The following SLC14A2 variants were observed in gnomAD, a reference collection of about 807,000 sequenced individuals.
SLC14A2 encodes solute carrier family 14 member 2, also known as urea transporter 2.
In SLC14A2, 91 loss-of-function variants were observed where a neutral mutation model predicts 104.6. The ratio of observed to expected loss-of-function variants is 0.87; its 90% CI spans 0.73 to 1.04. SLC14A2 has a LOEUF of 1.04. SLC14A2 is among the 50% of genes least tolerant of loss of function. The pLI is 0.00. For synonymous variants in SLC14A2, 476 were observed against 466.4 expected, an observed-to-expected ratio of 1.02 and a Z score of -0.27; for missense variants, 1,189 against 1,156.0, an observed-to-expected ratio of 1.03 and a Z score of -0.41.
intron 1 of SLC14A2, among the ~76,000 whole-genome samples, chr18:45,356,158 G>A (rs2144317051): frequency 6.6e-6 from 1 of 152,248 alleles, no homozygotes; most frequent in Admixed American, 6.5e-5. Context: ...GACCTCTGGT[G>A]GTCCAAAAAT....
chr18:45,303,144 C>T (rs530343353), intron 1 of SLC14A2, among the ~76,000 whole-genome samples: 6 of 152,300 alleles, frequency 3.9e-5, no homozygotes, highest in African/African-American at 1.4e-4. Context: ...TTCACAGAGA[C>T]TCCAGCACAG....
chr18:45,317,228 AATAG>A (rs2085138444), intron 1 of SLC14A2, among the ~76,000 whole-genome samples: 1 of 152,200 alleles, frequency 6.6e-6, no homozygotes, highest in South Asian at 2.1e-4. Context: ...CTTAGAGTCT[AATAG>A]ATAGATCAAG....
rs767446154 is a variant in SLC14A2 at position 45,663,832 on chromosome 18, G to A, written c.1399G>A (p.Gly467Ser). 11 of 1,613,144 alleles carry A rather than the reference G, an allele frequency of 6.8e-6. No individual in the cohort carries two copies. Among genetic ancestry groups the A allele is most frequent in the Non-Finnish European group, 9.3e-6 (11 of 1,179,886 alleles). ...PPTAGPKVEE[G>S]SEAVLSKHRS... The stretch of plus-strand genomic sequence containing the variant: ...CACAGCAGGCCCAAAGGTGGAGGAG[G>A]GCTCGGAGGCTGTGCTCTCCAAGCA... The change falls in exon 11 of 20, where the codon GGC becomes AGC. Residue 467 changes from glycine to serine, a missense_variant. Transcript: ENST00000255226.
intron 2 of SLC14A2, among the ~76,000 whole-genome samples, chr18:45,484,018 C>G (rs2087547923): frequency 6.6e-6 from 1 of 152,156 alleles, no homozygotes; most frequent in African/African-American, 2.4e-5. Context: ...AATAGAATAG[C>G]TGTTGTAACA....
At chr18:45,416,875 C>T (rs1372046892) in intron 1 of SLC14A2, among the ~76,000 whole-genome samples, 3 of 152,074 alleles carry the variant, frequency 2.0e-5, no homozygotes, top group Non-Finnish European at 4.4e-5. Flanking sequence ...TTAATACACA[C>T]CCAGAAATCA....
At chr18:45,197,007 C>T in the SLC14A2 span, among the ~76,000 whole-genome samples, 136,482 of 152,278 alleles carry the variant, frequency 0.9, 61,201 homozygotes, top group Middle Eastern at 0.94. Flanking sequence ...GTTGGGATCA[C>T]TACGAAGGAT....
At chr18:45,680,360 A>G (rs2144668808) in intron 19 of SLC14A2, among the ~76,000 whole-genome samples, 1 of 152,360 alleles carries the variant, frequency 6.6e-6, no homozygotes, top group South Asian at 2.1e-4. Flanking sequence ...TATTCAGTTT[A>G]GACATCTTTC....
At chr18:45,614,399 G>A (rs2045025334), upstream of SLC14A2, among the ~76,000 whole-genome samples, 1 of 152,222 alleles carries the variant, frequency 6.6e-6, no homozygotes, top group Admixed American at 6.5e-5. Flanking sequence ...CCCCACTGGA[G>A]GACTGCCTAG....
Position 45,673,035 on chromosome 18 carries a change from G to A in SLC14A2, c.2365G>A (p.Gly789Arg). 6.2e-7 allele frequency: 1 copy of A among 1,613,952 alleles called. No individual in the cohort carries two copies. Among genetic ancestry groups the A allele is most frequent in the Admixed American group, 1.7e-5 (1 of 59,992 alleles). The change falls in exon 17 of 20, where the codon GGG becomes AGG. Residue 789 changes from glycine (G) to arginine (R), a missense_variant. By Grantham distance (125) the Gly-to-Arg change is moderately radical. Transcript: ENST00000255226. ...GCATGCAGCAATTGGATCCACCATGGGGATGCTAGCAGGTCTGTGTCCTCA... is the reference window on the plus strand; with the variant it reads ...GCATGCAGCAATTGGATCCACCATGAGGATGCTAGCAGGTCTGTGTCCTCA... ...CLHAAIGSTMGMLAALTIATP... is the reference protein window; with the variant it reads ...CLHAAIGSTMRMLAALTIATP...
intron 10 of SLC14A2, chr18:45,646,396 T>C (rs1440626146): frequency 6.6e-6 from 1 of 152,050 alleles, no homozygotes; most frequent in Non-Finnish European, 1.5e-5. Flanking sequence ...CCAGAACAGA[T>C]TCAATTACCC....
At chr18:45,577,309 A>T (rs1295841349) in intron 2 of SLC14A2, among the ~76,000 whole-genome samples, 1 of 150,274 alleles carries the variant, frequency 6.7e-6, no homozygotes, top group Non-Finnish European at 1.5e-5. Flanking sequence ...GCTACAAGAT[A>T]GCTCCAGGAA....
At chr18:45,350,317 A>G (rs1359409927) in intron 1 of SLC14A2, among the ~76,000 whole-genome samples, 1 of 152,218 alleles carries the variant, frequency 6.6e-6, no homozygotes, top group Non-Finnish European at 1.5e-5. Context: ...ACCATTTTTG[A>G]TATCTCTGAT....
chr18:45,566,538 CACACACACAG>C (rs1433369629), intron 2 of SLC14A2, among the ~76,000 whole-genome samples: 19 of 103,994 alleles, frequency 1.8e-4, no homozygotes, highest in African/African-American at 5.2e-4. Context: ...CACACACACA[CACACACACAG>C]TGTCCACATC....
At chr18:45,414,751 A>ATATATATATATATATATAT (rs1568189973) in intron 1 of SLC14A2, among the ~76,000 whole-genome samples, 2 of 70,876 alleles carry the variant, frequency 2.8e-5, no homozygotes, top group African/African-American at 1.2e-4. Context: ...GCGTAAAAAA[A>ATATATATATATATATATAT]AAAAAAATAT....
rs544270126 is a variant in SLC14A2, at chr18:45,511,473, T to C, written c.-35+28151T>C. Among the ~76,000 whole-genome samples, 7 of 152,336 alleles carry C rather than the reference T, an allele frequency of 4.6e-5. 1 individual carries two copies. The highest frequency in any genetic ancestry group is 1.7e-4 in the African/African-American group (7 of 41,582). On this transcript the variant is annotated intron_variant, in intron 2 of 20. Transcript: ENST00000586448. The stretch of plus-strand genomic sequence containing the variant: ...CCTCCCTTAAGGTCTCCTTGCAATC[T>C]GTTCTTTATTATATCCCTTCCCTGG...
intron 1 of SLC14A2, among the ~76,000 whole-genome samples, chr18:45,216,033 A>T (rs1313775922): frequency 6.6e-6 from 1 of 152,220 alleles, no homozygotes; most frequent in Non-Finnish European, 1.5e-5. Flanking sequence ...TGTGTCAAAC[A>T]TGTAAAAAGG....
At chr18:45,189,020 T>C in the SLC14A2 span, among the ~76,000 whole-genome samples, 1 of 152,228 alleles carries the variant, frequency 6.6e-6, no homozygotes, top group African/African-American at 2.4e-5. Context: ...AGTGTGCTAG[T>C]TTGTTACATG....
At chr18:45,631,405 G>A (rs1599089337) in intron 4 of SLC14A2, among the ~76,000 whole-genome samples, 1 of 152,210 alleles carries the variant, frequency 6.6e-6, no homozygotes, top group Non-Finnish European at 1.5e-5. Context: ...AATTAGAAAG[G>A]TCAAGGACAG....
At chr18:45,339,732 G>GT (rs1356692093) in intron 1 of SLC14A2, among the ~76,000 whole-genome samples, 2 of 152,220 alleles carry the variant, frequency 1.3e-5, no homozygotes, top group African/African-American at 4.8e-5. Flanking sequence ...GTGTGGGCAG[G>GT]TTTTTGGCAG....
Sources: allele counts gnomAD v4.1 joint callset (sites outside exome capture counted in the v4.1 genomes callset), GRCh38; gene constraint gnomAD v4.1.1; transcripts MANE v1.5; gene names NCBI Gene and HGNC (gene_info 2026-07-23, HGNC 2026-07-21).